The following RIMBP2 variants were observed in gnomAD, a reference collection of about 807,000 sequenced individuals.
RIMBP2 encodes the protein RIMS-binding protein 2.
A neutral mutation model predicts 118.6 loss-of-function variants in RIMBP2; 48 were observed. The observed-to-expected ratio is 0.40, with a 90% confidence interval of 0.32 to 0.51. The LOEUF is 0.51. Ranked by LOEUF, RIMBP2 falls within the 20% of genes least tolerant of loss-of-function variation. The probability of loss-of-function intolerance (pLI) is 0.41; values close to 1 mark genes in which losing one functional copy is unlikely to be tolerated. For missense variants in RIMBP2, 1,551 were observed against 1,768.3 expected (o/e 0.88, Z 2.20); for synonymous variants, 762 against 742.9 (o/e 1.03, Z -0.42).
At chr12:130,577,789 A>G (rs907205746) in intron 2 of RIMBP2, among the ~76,000 whole-genome samples, 9 of 152,124 alleles carry the variant, frequency 5.9e-5, no homozygotes, top group Non-Finnish European at 8.8e-5. Flanking sequence ...ACATCCCTCC[A>G]TCTCATTTGA....
chr12:130,556,464 T>C (rs1020665835), intron 2 of RIMBP2, among the ~76,000 whole-genome samples: 4 of 152,200 alleles, frequency 2.6e-5, no homozygotes, highest in Admixed American at 6.5e-5. Context: ...AACCTCCAGC[T>C]GGGATTCTGA....
At chr12:130,417,544 G>A (rs965913970) in intron 17 of RIMBP2, among the ~76,000 whole-genome samples, 1 of 152,198 alleles carries the variant, frequency 6.6e-6, no homozygotes. Context: ...TAGACACGAA[G>A]ATGGGAACAA....
rs142813525 is a variant in RIMBP2, at chr12:130,508,104, G to A, written c.-126-1334C>T. 2.4e-3 allele frequency among the ~76,000 whole-genome samples: 370 copies of A among 152,172 alleles called. 2 individuals carry two copies. Among genetic ancestry groups the A allele is most frequent in the African/African-American group, 8.1e-3 (337 of 41,500 alleles). Reference sequence around the variant, plus strand: ...CAAATGCCCCCGGAGAAAATGTCACGACCTATTTGAATTAAACCACCCTCA... The same window carrying A: ...CAAATGCCCCCGGAGAAAATGTCACAACCTATTTGAATTAAACCACCCTCA... On this transcript the variant is annotated intron_variant, in intron 3 of 22. Coordinates refer to ENST00000690449, the MANE Select transcript of RIMBP2 (RefSeq NM_001393629.1).
intron 2 of RIMBP2, among the ~76,000 whole-genome samples, chr12:130,557,055 T>A (rs2056424348): frequency 6.6e-6 from 1 of 152,084 alleles, no homozygotes; most frequent in Non-Finnish European, 1.5e-5. Context: ...TCTTAGCAGA[T>A]GTGAGGAGTT....
intron 4 of RIMBP2, among the ~76,000 whole-genome samples, chr12:130,491,231 T>C (rs1566135684): frequency 6.6e-6 from 1 of 152,218 alleles, no homozygotes; most frequent in African/African-American, 2.4e-5. Flanking sequence ...GTGATATTTT[T>C]ATTCCCATTT....
At chr12:130,476,788 T>C (rs2081467285) in intron 5 of RIMBP2, among the ~76,000 whole-genome samples, 1 of 152,220 alleles carries the variant, frequency 6.6e-6, no homozygotes, top group South Asian at 2.1e-4. Context: ...TTCGTCTTCC[T>C]TTTTTAGCCT....
intron 2 of RIMBP2, among the ~76,000 whole-genome samples, chr12:130,569,794 C>T (rs190014795): frequency 1.8e-4 from 28 of 152,312 alleles, no homozygotes; most frequent in Non-Finnish European, 3.2e-4. Context: ...GTACACCCTG[C>T]AGAACCATGA....
intron 19 of RIMBP2, among the ~76,000 whole-genome samples, chr12:130,409,049 G>T (rs2075446825): frequency 6.6e-6 from 1 of 152,172 alleles, no homozygotes. Context: ...CATTATTCAT[G>T]TTACAGGGAA....
At chr12:130,479,646 G>A (rs191402049) in intron 4 of RIMBP2, among the ~76,000 whole-genome samples, 233 of 146,796 alleles carry the variant, frequency 1.6e-3, no homozygotes, top group African/African-American at 6.2e-3. Flanking sequence ...GGAGCTTCCC[G>A]ACCTCGGGCT....
rs767615114 is a variant in RIMBP2 at position 130,506,778 on chromosome 12, C to A, written c.-126-8G>T. 4.5e-5 allele frequency: 44 copies of A among 985,690 alleles called. No homozygotes were observed. The Middle Eastern group carries it at 1.6e-3, about 35-fold the overall frequency. 61.1% of individuals were successfully genotyped at this position (985,690 alleles called of 1,614,324 possible). On this transcript the variant is annotated splice_region_variant and splice_polypyrimidine_tract_variant and intron_variant, in intron 3 of 22. Coordinates refer to ENST00000690449, the MANE Select transcript of RIMBP2 (RefSeq NM_001393629.1). Reference sequence around the variant, plus strand: ...CACATACTCTGCCTTCACCTGCAAGCGGAAGGGATGGAGACAAGGAGGTTA... The same window carrying A: ...CACATACTCTGCCTTCACCTGCAAGAGGAAGGGATGGAGACAAGGAGGTTA...
chr12:130,563,610 G>A (rs1336969419), intron 2 of RIMBP2, among the ~76,000 whole-genome samples: 1 of 152,166 alleles, frequency 6.6e-6, no homozygotes, highest in Non-Finnish European at 1.5e-5. Flanking sequence ...AAACAAATAT[G>A]CCCTACTGCA....
Position 130,450,201 on chromosome 12 carries a change from T to C in RIMBP2, c.580A>G (p.Ser194Gly), listed in dbSNP as rs199581863. ...GKVHLCVARY[S>G]YNPFDGPNEN... ...TGGACGCCGAGGGGCCGCACTTACC[T>C]ATAGCGGGCAACACAGAGGTGGACC... Residue 194 changes from serine to glycine, a missense_variant and splice_region_variant, in exon 9 of 23, where the codon AGT (serine) becomes GGT (glycine). Ser to Gly is a moderately conservative substitution (Grantham distance 56, BLOSUM62 0). Around this residue, in one of 5 missense-constraint regions of RIMBP2, gnomAD observed 239 missense variants for 256.8 expected, o/e 0.93. Coordinates refer to ENST00000690449, the MANE Select transcript of RIMBP2 (RefSeq NM_001393629.1). The surrounding 1 kb of genome is among the most constrained non-coding windows in gnomAD (Gnocchi z 4.8). 13 of 1,603,666 alleles carry C rather than the reference T, an allele frequency of 8.1e-6. No homozygotes were observed. The East Asian group carries it at 2.0e-4, about 25-fold the overall frequency.
intron 2 of RIMBP2, among the ~76,000 whole-genome samples, chr12:130,520,600 A>C (rs1402635822): frequency 7.1e-6 from 1 of 141,114 alleles, no homozygotes; most frequent in Non-Finnish European, 1.5e-5. Flanking sequence ...TGAACCCGGG[A>C]GGCAGAGGTT....
intron 1 of RIMBP2, among the ~76,000 whole-genome samples, chr12:130,651,781 T>C (rs954318576): frequency 1.4e-4 from 22 of 152,244 alleles, no homozygotes; most frequent in Non-Finnish European, 2.2e-4. Context: ...TGGAATTTAA[T>C]TATCTGCAGG....
rs1020820815 is a variant in RIMBP2 at position 130,414,288 on chromosome 12, C to A, written c.3257G>T (p.Arg1086Leu). ...CTCTTCATAGAAGTCTGGAGAAAGG[C>A]GGTCTCGCCCGTAATCGTCTGCGAG... ...VPSIDDYGRDRLSPDFYEESE... is the reference protein window; with the variant it reads ...VPSIDDYGRDLLSPDFYEESE... The change falls in exon 18 of 23, where the codon CGC (arginine) becomes CTC (leucine). Residue 1086 changes from arginine to leucine, a missense_variant. Arg to Leu is a moderately radical substitution (Grantham distance 102). Transcript: ENST00000690449. The A allele has an allele frequency of 6.3e-7, 1 of 1,596,302 alleles. No homozygotes were observed. The highest frequency in any genetic ancestry group is 1.3e-5 in the African/African-American group (1 of 74,432).
intron 11 of RIMBP2, among the ~76,000 whole-genome samples, chr12:130,439,262 G>A (rs1004633655): frequency 2.0e-5 from 3 of 149,466 alleles, no homozygotes; most frequent in African/African-American, 5.1e-5. Flanking sequence ...ATGTACATGT[G>A]TATGTGTGTA....
At chr12:130,433,421 G>A (rs1566023367) in intron 14 of RIMBP2, among the ~76,000 whole-genome samples, 1 of 152,168 alleles carries the variant, frequency 6.6e-6, no homozygotes, top group Non-Finnish European at 1.5e-5. Flanking sequence ...TGTGTAATGT[G>A]GACCCTGTGA....
chr12:130,406,000 TTATC>T (rs2075136437), intron 21 of RIMBP2, among the ~76,000 whole-genome samples, 168 bp downstream of exon 21: 1 of 152,164 alleles, frequency 6.6e-6, no homozygotes, highest in South Asian at 2.1e-4. Context: ...ACTTTCTAGA[TTATC>T]TATAACTCAG....
chr12:130,558,288 C>T (rs527947843), intron 2 of RIMBP2, among the ~76,000 whole-genome samples: 241 of 152,134 alleles, frequency 1.6e-3, no homozygotes, highest in Non-Finnish European at 2.9e-3. Context: ...AATTAGAAGG[C>T]AGATAAATCT....
Sources: gnomAD v4.1 joint callset for allele counts (sites outside exome capture counted in the v4.1 genomes callset) on GRCh38, gnomAD v4.1.1 for gene constraint, gnomAD v4.1.1 regional missense constraint, Gnocchi (gnomAD v3.1) non-coding constraint, MANE v1.5 for transcripts, NCBI Gene and HGNC (gene_info 2026-07-23, HGNC 2026-07-21) for gene names.